KLHL18: variants seen among roughly 807,000 people sequenced by gnomAD.
KLHL18 encodes the protein kelch-like protein 18.
In KLHL18, 38 loss-of-function variants were observed where a neutral mutation model predicts 58.5. The observed-to-expected ratio is 0.65, with a 90% CI of 0.50 to 0.85. The LOEUF (loss-of-function observed/expected upper bound fraction) is 0.85, where lower values mean the gene tolerates loss of function less well. Among genes scored for constraint, KLHL18 ranks in the 40% least tolerant of loss-of-function variants. The pLI is 0.00. For missense variants in KLHL18, 624 were observed against 778.4 expected (o/e 0.80, Z 2.36); for synonymous variants, 303 against 301.9 (o/e 1.00, Z -0.04).
intron 1 of KLHL18, among the ~76,000 whole-genome samples, chr3:47,288,465 A>C (rs780766279): frequency 6.6e-6 from 1 of 152,164 alleles, no homozygotes; most frequent in Non-Finnish European, 1.5e-5. Flanking sequence ...TACCACGTGA[A>C]TTAATCTACC....
chr3:47,322,555 C>G lies in KLHL18; in HGVS notation c.261-13C>G. 1 of 1,581,722 alleles carries G rather than the reference C, an allele frequency of 6.3e-7. No homozygotes were observed. The highest frequency in any genetic ancestry group is 8.6e-7 in the Non-Finnish European group (1 of 1,165,000). The stretch of plus-strand genomic sequence containing the variant: ...CTCTGAAAGCACCTCACAGCTTTCC[C>G]TCTTTCCTCTAGTGCCCTGGAGGCT... On this transcript the variant is annotated splice_polypyrimidine_tract_variant and intron_variant, in intron 2 of 9. Coordinates refer to ENST00000232766, the MANE Select transcript of KLHL18 (RefSeq NM_025010.5).
At chr3:47,327,126 C>G (rs985863332) in intron 3 of KLHL18, among the ~76,000 whole-genome samples, 1 of 152,062 alleles carries the variant, frequency 6.6e-6, no homozygotes, top group African/African-American at 2.4e-5. Flanking sequence ...GTAATCCCAG[C>G]TACTTGGGAG....
chr3:47,342,584 CAG>C lies in KLHL18; in HGVS notation c.1227-130_1227-129del, dbSNP rs962343509. ...AGAGGCGGCAGCCAGGGAGAACTGT[CAG>C]AGAGGTGGTGGGAGAGGTGATAAGA... is the stretch of plus-strand genomic sequence containing the variant. On this transcript the variant is annotated intron_variant, in intron 8 of 9. Transcript: ENST00000232766. The C allele has an allele frequency of 4.3e-5, 29 of 680,330 alleles. No individual in the cohort carries two copies. The African/African-American group carries it at 4.5e-4, about 10-fold the overall frequency. The allele number at this position is 680,330 out of a possible 1,614,324, so 42.1% of individuals were successfully genotyped here.
chr3:47,287,495 CT>C (rs1024723266), intron 1 of KLHL18: 1 of 150,560 alleles, frequency 6.6e-6, no homozygotes, highest in South Asian at 2.1e-4. Context: ...TTTTTTCTCT[CT>C]TTTTTTTGAG....
intron 1 of KLHL18, among the ~76,000 whole-genome samples, chr3:47,298,401 C>CTGACT (rs1702944085): frequency 6.7e-6 from 1 of 149,684 alleles, no homozygotes; most frequent in Admixed American, 6.7e-5. Context: ...GGGTTTGGAT[C>CTGACT]TGACTTGTAG....
intron 8 of KLHL18, 41 bp from the exon 9 acceptor site, chr3:47,342,678 G>T: frequency 1.3e-6 from 2 of 1,550,772 alleles, no homozygotes; most frequent in Non-Finnish European, 1.8e-6. Context: ...CAAGAACCCT[G>T]AATCTCATGC....
At chr3:47,340,187 G>A (rs1253648101) in intron 7 of KLHL18, among the ~76,000 whole-genome samples, 1 of 152,200 alleles carries the variant, frequency 6.6e-6, no homozygotes, top group East Asian at 1.9e-4. Flanking sequence ...ATGAATGATT[G>A]TAACAACTGC....
chr3:47,297,889 A>G (rs1255966933), intron 1 of KLHL18, among the ~76,000 whole-genome samples: 2 of 152,204 alleles, frequency 1.3e-5, no homozygotes, highest in African/African-American at 4.8e-5. Context: ...CGCTTGTACC[A>G]AGTGCCACAG....
At chr3:47,294,507 T>C (rs1410743334) in intron 1 of KLHL18, among the ~76,000 whole-genome samples, 1 of 152,126 alleles carries the variant, frequency 6.6e-6, no homozygotes, top group Non-Finnish European at 1.5e-5. Flanking sequence ...TGAGGATATC[T>C]GAAGGCAGAG....
chr3:47,288,084 G>A (rs937354116), intron 1 of KLHL18, among the ~76,000 whole-genome samples: 2 of 151,898 alleles, frequency 1.3e-5, no homozygotes, highest in Non-Finnish European at 2.9e-5. Context: ...AGCTGGACAT[G>A]CTGGCGCGGG....
At chr3:47,313,155 C>T (rs567671959) in intron 1 of KLHL18, among the ~76,000 whole-genome samples, 4 of 151,308 alleles carry the variant, frequency 2.6e-5, no homozygotes, top group Non-Finnish European at 5.9e-5. Context: ...GTGATCCGCC[C>T]GTCTCGGCCT....
chr3:47,283,126 G>A (rs754562513), intron 1 of KLHL18, 32 bp downstream of exon 1: 1 of 1,508,550 alleles, frequency 6.6e-7, no homozygotes, highest in South Asian at 1.2e-5. Flanking sequence ...CGGGCTGAGG[G>A]AAAAGGGGTC....
chr3:47,311,283 C>T (rs911942750), intron 1 of KLHL18, among the ~76,000 whole-genome samples: 1 of 152,126 alleles, frequency 6.6e-6, no homozygotes, highest in African/African-American at 2.4e-5. Flanking sequence ...TCTTGAGTGT[C>T]CCATCTATTT....
chr3:47,340,161 C>G (rs1247523271), intron 7 of KLHL18, among the ~76,000 whole-genome samples: 3 of 152,156 alleles, frequency 2.0e-5, no homozygotes, highest in Admixed American at 6.5e-5. Context: ...CCAGCTGTTA[C>G]AGATCTGATG....
chr3:47,342,800 C>T lies in KLHL18; in HGVS notation c.1308C>T (p.Gly436=), dbSNP rs147202777. The T allele has an allele frequency of 6.2e-6, 10 of 1,614,002 alleles. No individual in the cohort carries two copies. Among genetic ancestry groups the T allele is most frequent in the Admixed American group, 1.7e-5 (1 of 60,000 alleles). Residue 436 remains glycine (G), a synonymous_variant, in exon 9 of 10, where the codon GGC becomes GGT. Coordinates refer to ENST00000232766, the MANE Select transcript of KLHL18 (RefSeq NM_025010.5). ...TTGAGGGCAGGATATATGTGTCAGGCGGCCATGATGGTTTGCAGATCTTCA... is the reference window on the plus strand; with the variant it reads ...TTGAGGGCAGGATATATGTGTCAGGTGGCCATGATGGTTTGCAGATCTTCA... ...TVFEGRIYVS[G]GHDGLQIFSS... is the part of the protein sequence containing the mutation.
chr3:47,336,497 C>G, intron 6 of KLHL18, 38 bp from the exon 7 acceptor site: 1 of 1,552,434 alleles, frequency 6.4e-7, no homozygotes, highest in South Asian at 1.1e-5. Flanking sequence ...AACAAGTGGT[C>G]TCATTTGTTT....
rs568822740 is a variant in KLHL18, at chr3:47,329,745, G to C, written c.402-206G>C. On this transcript the variant is annotated intron_variant, in intron 3 of 9. Transcript: ENST00000232766. ...ATTCCACCTGACGCACAGAGCACCA[G>C]GCCCAAAAGGCAGGGACCTTTGAGG... is the stretch of plus-strand genomic sequence containing the variant. Among the ~76,000 whole-genome samples, 4 of 152,252 alleles carry C rather than the reference G, an allele frequency of 2.6e-5. No individual in the cohort carries two copies. In the South Asian group the frequency reaches 8.3e-4, roughly 32 times the overall value.
rs879247718 is a variant in KLHL18 at position 47,344,476 on chromosome 3, G to A, written c.*535G>A. The A allele has an allele frequency of 6.3e-6, 1 of 159,434 alleles. No individual in the cohort carries two copies. Among genetic ancestry groups the A allele is most frequent in the South Asian group, 1.9e-4 (1 of 5,186 alleles). The allele number at this position is 159,434 out of a possible 1,614,324, so 9.9% of individuals were successfully genotyped here. ...ACACAGGCACATTCCTTCTTCCACAGTGGGGCACCAAGGATTCTGTCCTCA... is the reference window on the plus strand; with the variant it reads ...ACACAGGCACATTCCTTCTTCCACAATGGGGCACCAAGGATTCTGTCCTCA... On this transcript the variant is annotated 3_prime_UTR_variant, in exon 10 of 10. Coordinates refer to ENST00000232766, the MANE Select transcript of KLHL18 (RefSeq NM_025010.5).
chr3:47,318,539 C>T (rs1487917344), intron 1 of KLHL18, among the ~76,000 whole-genome samples: 2 of 152,108 alleles, frequency 1.3e-5, no homozygotes, highest in Non-Finnish European at 2.9e-5. Context: ...GGTGTAAATA[C>T]CAAGAGTGAG....
Sources: allele counts gnomAD v4.1 joint callset (sites outside exome capture counted in the v4.1 genomes callset), GRCh38; gene constraint gnomAD v4.1.1; transcripts MANE v1.5; gene names NCBI Gene and HGNC (gene_info 2026-07-23, HGNC 2026-07-21).